The following ZNF707 variants were observed in gnomAD, a reference collection of about 807,000 sequenced individuals.
ZNF707 encodes the protein zinc finger protein 707.
A neutral mutation model predicts 13.3 loss-of-function variants in ZNF707; 8 were observed. The observed-to-expected ratio is 0.60, with a 90% CI of 0.35 to 1.09. The LOEUF (loss-of-function observed/expected upper bound fraction) is 1.09. Ranked by LOEUF, ZNF707 falls within the 50% of genes least tolerant of loss-of-function variation. The pLI, the probability that ZNF707 is intolerant of heterozygous loss-of-function variation, is 0.02. For synonymous variants in ZNF707, 225 were observed against 205.6 expected (o/e 1.09, Z -0.81); for missense variants, 530 against 512.6 (o/e 1.03, Z -0.33).
In ZNF707 at chr8:143,694,055, G is replaced by A. The variant is rs1368019099; in HGVS notation, c.641G>A (p.Arg214Gln). 8.1e-6 allele frequency: 13 copies of A among 1,607,410 alleles called. No individual in the cohort carries two copies. The highest frequency in any genetic ancestry group is 1.7e-5 in the Admixed American group (1 of 59,636). The change falls in exon 6 of 6, where the codon CGG becomes CAG. Residue 214 changes from arginine (R) to glutamine (Q), a missense_variant. Arg to Gln is a conservative substitution (Grantham distance 43). Coordinates refer to ENST00000358656, the MANE Select transcript of ZNF707 (RefSeq NM_001100598.2). This position sits in a 1 kb window ranked among gnomAD's most constrained non-coding sequence, Gnocchi z 4.4. ...TGCCCCGAGTGCGGCCAGACCTTCC[G>A]GTGGGCTTCAAACCTGCAGCGCCAC... ...FECPECGQTF[R>Q]WASNLQRHQK...
chr8:143,694,361 A>G lies in ZNF707; in HGVS notation c.947A>G (p.Tyr316Cys), dbSNP rs782363774. Residue 316 changes from tyrosine (Y) to cysteine (C), a missense_variant, in exon 6 of 6, where the codon TAC becomes TGC. Tyr to Cys is a radical substitution (Grantham distance 194, BLOSUM62 -2). Transcript: ENST00000358656. The surrounding 1 kb of genome is among the most constrained non-coding windows in gnomAD (Gnocchi z 4.4). ...HQRVHSGEKP[Y>C]TCAECGKSFR... ...AGGGTCCACAGCGGGGAGAAGCCCT[A>G]CACCTGTGCCGAGTGCGGCAAGTCC... The G allele has an allele frequency of 1.2e-6, 2 of 1,610,856 alleles. No homozygotes were observed. The highest frequency in any genetic ancestry group is 2.7e-5 in the African/African-American group (2 of 74,686).
Position 143,694,038 on chromosome 8 carries a change from G to T in ZNF707, c.624G>T (p.Glu208Asp). The T allele has an allele frequency of 6.2e-7, 1 of 1,607,038 alleles. No homozygotes were observed. ...HTGTKAFECP[E>D]CGQTFRWASN... Reference sequence around the variant, plus strand: ...GAACCAAGGCCTTCGAGTGCCCCGAGTGCGGCCAGACCTTCCGGTGGGCTT... The same window carrying T: ...GAACCAAGGCCTTCGAGTGCCCCGATTGCGGCCAGACCTTCCGGTGGGCTT... The change falls in exon 6 of 6, where the codon GAG becomes GAT. Residue 208 changes from glutamate to aspartate, a missense_variant. Transcript: ENST00000358656. The surrounding 1 kb of genome is among the most constrained non-coding windows in gnomAD (Gnocchi z 4.4).
intron 1 of ZNF707, chr8:143,688,747 C>T (rs986303963): frequency 1.3e-5 from 2 of 149,680 alleles, no homozygotes; most frequent in Admixed American, 1.3e-4. Flanking sequence ...TTCAAGCAGT[C>T]CCCCCACCTC....
intron 5 of ZNF707, chr8:143,692,113 T>G: frequency 1.5e-6 from 2 of 1,320,954 alleles, no homozygotes; most frequent in Middle Eastern, 2.1e-4. Context: ...TCCAGGTATG[T>G]GGCTCTGGGT....
intron 1 of ZNF707, chr8:143,686,814 TTTTTTTCTTAAC>T (rs1303256339): frequency 2.2e-5 from 2 of 92,996 alleles, no homozygotes; most frequent in African/African-American, 1.0e-4. Context: ...TCTCCTTTTT[TTTTTTTCTTAAC>T]TGCCTTGGTA....
chr8:143,694,485 GTTC>G lies in ZNF707; in HGVS notation c.1075_1077del (p.Phe359del), dbSNP rs781938827. 1 of 1,610,744 alleles carries G rather than the reference GTTC, an allele frequency of 6.2e-7. No homozygotes were observed. The highest frequency in any genetic ancestry group is 8.5e-7 in the Non-Finnish European group (1 of 1,178,274). On this transcript the variant is annotated inframe_deletion, in exon 6 of 6. Coordinates refer to ENST00000358656, the MANE Select transcript of ZNF707 (RefSeq NM_001100598.2). The surrounding 1 kb of genome is among the most constrained non-coding windows in gnomAD (Gnocchi z 4.4). ...GTGGGAAAGGCTTCCGTCACCTGGGGTTCTTCACGCGGCATCAGAGGACTCACA... is the reference window on the plus strand; with the variant it reads ...GTGGGAAAGGCTTCCGTCACCTGGGGTTCACGCGGCATCAGAGGACTCACA...
chr8:143,691,420 C>G, intron 4 of ZNF707, 180 bp from the exon 5 acceptor site: 1 of 1,039,854 alleles, frequency 9.6e-7, no homozygotes, highest in Non-Finnish European at 1.4e-6. Flanking sequence ...TTGCCAGGGC[C>G]TTCCGTGGGC....
chr8:143,685,496 A>G (rs1246338768), intron 1 of ZNF707, among the ~76,000 whole-genome samples: 1 of 148,326 alleles, frequency 6.7e-6, no homozygotes, highest in Non-Finnish European at 1.5e-5. Flanking sequence ...ACTGCACTCC[A>G]GCCTGGGCGA....
Position 143,694,128 on chromosome 8 carries a change from G to A in ZNF707, c.714G>A (p.Gly238=). ...AGCCCTTCTGCTGCGAGGCCTGCGGGCAGGCGTTCAGCCTGAAGGACCGCC... is the reference window on the plus strand; with the variant it reads ...AGCCCTTCTGCTGCGAGGCCTGCGGACAGGCGTTCAGCCTGAAGGACCGCC... ...REKPFCCEAC[G]QAFSLKDRLA... is the part of the protein sequence containing the mutation. Residue 238 remains glycine (G), a synonymous_variant, in exon 6 of 6, where the codon GGG becomes GGA. Transcript: ENST00000358656. This position sits in a 1 kb window ranked among gnomAD's most constrained non-coding sequence, Gnocchi z 4.4. The A allele has an allele frequency of 6.3e-7, 1 of 1,598,412 alleles. No individual in the cohort carries two copies. Among genetic ancestry groups the A allele is most frequent in the Non-Finnish European group, 8.5e-7 (1 of 1,172,644 alleles).
Position 143,693,918 on chromosome 8 carries a change from G to A in ZNF707, c.504G>A (p.Lys168=). ...GGCCGGGCCGCAGAGAGCGCCGGAA[G>A]CAGCGCGCAGTAGAGCTGTCATTCA... ...GRRPGRRERR[K]QRAVELSFIC... The change falls in exon 6 of 6, where the codon AAG becomes AAA. Residue 168 remains lysine (K), a synonymous_variant. Transcript: ENST00000358656. This position sits in a 1 kb window ranked among gnomAD's most constrained non-coding sequence, Gnocchi z 4.1. 3.1e-6 allele frequency: 5 copies of A among 1,607,044 alleles called. No individual in the cohort carries two copies. The highest frequency in any genetic ancestry group is 3.4e-6 in the Non-Finnish European group (4 of 1,176,696).
chr8:143,694,270 C>T lies in ZNF707; in HGVS notation c.856C>T (p.Arg286Trp), dbSNP rs781834549. Residue 286 changes from arginine to tryptophan, a missense_variant, in exon 6 of 6, where the codon CGG becomes TGG. Coordinates refer to ENST00000358656, the MANE Select transcript of ZNF707 (RefSeq NM_001100598.2). The surrounding 1 kb of genome is among the most constrained non-coding windows in gnomAD (Gnocchi z 4.4). ...ACACCAGCTGGTGCACACCGGGGAG[C>T]GGCCGTTCTACTGCGCGGACTGCGG... Reference protein sequence around the residue: ...LRHQLVHTGERPFYCADCGKA... With the variant: ...LRHQLVHTGEWPFYCADCGKA... The T allele has an allele frequency of 3.6e-5, 57 of 1,593,212 alleles. No individual in the cohort carries two copies. The highest frequency in any genetic ancestry group is 4.6e-5 in the Non-Finnish European group (54 of 1,169,964).
chr8:143,685,908 G>C (rs1816219393), intron 1 of ZNF707, among the ~76,000 whole-genome samples: 1 of 152,148 alleles, frequency 6.6e-6, no homozygotes, highest in African/African-American at 2.4e-5. Flanking sequence ...ATATCCTTCT[G>C]TTCTCCCGTA....
rs1227203666 is a variant in ZNF707, at chr8:143,693,376, T to C, written c.257-295T>C. ...AATCTCGGCTCACTGCAAGCTCCGCTTCCCGGGTTCACGCCATTCTCCTGC... is the reference window on the plus strand; with the variant it reads ...AATCTCGGCTCACTGCAAGCTCCGCCTCCCGGGTTCACGCCATTCTCCTGC... On this transcript the variant is annotated intron_variant, in intron 5 of 5. Coordinates refer to ENST00000358656, the MANE Select transcript of ZNF707 (RefSeq NM_001100598.2). The surrounding 1 kb of genome is among the most constrained non-coding windows in gnomAD (Gnocchi z 4.1). 2.6e-5 allele frequency among the ~76,000 whole-genome samples: 4 copies of C among 151,482 alleles called. No individual in the cohort carries two copies. The highest frequency in any genetic ancestry group is 4.4e-5 in the Non-Finnish European group (3 of 67,826).
At position 143,694,356 on chromosome 8, in the gene ZNF707, G is replaced by A. The variant is rs782284343; in HGVS notation, c.942G>A (p.Lys314=). The change falls in exon 6 of 6, where the codon AAG becomes AAA. Residue 314 remains lysine, a synonymous_variant. Transcript: ENST00000358656. The surrounding 1 kb of genome is among the most constrained non-coding windows in gnomAD (Gnocchi z 4.4). ...SHHQRVHSGE[K]PYTCAECGKS... is the part of the protein sequence containing the mutation. Reference sequence around the variant, plus strand: ...ACCAGAGGGTCCACAGCGGGGAGAAGCCCTACACCTGTGCCGAGTGCGGCA... The same window carrying A: ...ACCAGAGGGTCCACAGCGGGGAGAAACCCTACACCTGTGCCGAGTGCGGCA... 6.2e-7 allele frequency: 1 copy of A among 1,611,472 alleles called. No homozygotes were observed.
Position 143,694,154 on chromosome 8 carries a change from T to A in ZNF707, c.740T>A (p.Leu247Gln). The change falls in exon 6 of 6, where the codon CTG (leucine) becomes CAG (glutamine). Residue 247 changes from leucine to glutamine, a missense_variant. Physicochemically the swap from Leu to Gln is moderately radical, Grantham distance 113. Transcript: ENST00000358656. This position sits in a 1 kb window ranked among gnomAD's most constrained non-coding sequence, Gnocchi z 4.4. ...CAGGCGTTCAGCCTGAAGGACCGCCTGGCTCAGCACCGCAAGGTCCACACC... is the reference window on the plus strand; with the variant it reads ...CAGGCGTTCAGCCTGAAGGACCGCCAGGCTCAGCACCGCAAGGTCCACACC... ...CGQAFSLKDR[L>Q]AQHRKVHTEH... 1.9e-6 allele frequency: 3 copies of A among 1,587,444 alleles called. No individual in the cohort carries two copies. The highest frequency in any genetic ancestry group is 2.6e-6 in the Non-Finnish European group (3 of 1,166,374).
Position 143,693,658 on chromosome 8 carries a change from GT to G in ZNF707, c.257-11del. On this transcript the variant is annotated splice_polypyrimidine_tract_variant and intron_variant, in intron 5 of 5. Coordinates refer to ENST00000358656, the MANE Select transcript of ZNF707 (RefSeq NM_001100598.2). The surrounding 1 kb of genome is among the most constrained non-coding windows in gnomAD (Gnocchi z 4.1). Reference sequence around the variant, plus strand: ...CCACTGGCTCTGTGTAAGGGTGTCTGTTCCTTCCACAGGGGCAAGGAAGTCT... The same window carrying G: ...CCACTGGCTCTGTGTAAGGGTGTCTGTCCTTCCACAGGGGCAAGGAAGTCT... The G allele has an allele frequency of 6.4e-7, 1 of 1,560,832 alleles. No homozygotes were observed. Among genetic ancestry groups the G allele is most frequent in the South Asian group, 1.2e-5 (1 of 80,934 alleles).
chr8:143,694,807 G>A lies in ZNF707; in HGVS notation c.*277G>A, dbSNP rs1384801882. On this transcript the variant is annotated 3_prime_UTR_variant, in exon 6 of 6. Coordinates refer to ENST00000358656, the MANE Select transcript of ZNF707 (RefSeq NM_001100598.2). The surrounding 1 kb of genome is among the most constrained non-coding windows in gnomAD (Gnocchi z 4.4). ...CTGGGGATGTGCTGAGAGTGTGCGC[G>A]ACCCCGGAGCCACGTGCCAGGCCGG... The A allele has an allele frequency of 4.6e-5, 18 of 392,064 alleles. No individual in the cohort carries two copies. In the Admixed American group the frequency reaches 6.7e-4, roughly 15 times the overall value. The allele number at this position is 392,064 out of a possible 1,614,324, so 24.3% of individuals were successfully genotyped here.
At chr8:143,687,680 C>T (rs1331324533) in intron 1 of ZNF707, among the ~76,000 whole-genome samples, 1 of 152,020 alleles carries the variant, frequency 6.6e-6, no homozygotes, top group Non-Finnish European at 1.5e-5. Context: ...TTTTTTCTAC[C>T]TCCTTGCACT....
intron 3 of ZNF707, chr8:143,690,440 G>T (rs1816701989): frequency 2.9e-6 from 1 of 341,214 alleles, no homozygotes; most frequent in Non-Finnish European, 5.3e-6. Flanking sequence ...GCACGCACCT[G>T]TAGGCCCAGC....
Sources: allele counts gnomAD v4.1 joint callset (sites outside exome capture counted in the v4.1 genomes callset), GRCh38; gene constraint gnomAD v4.1.1; non-coding constraint Gnocchi (gnomAD v3.1); transcripts MANE v1.5; gene names NCBI Gene and HGNC (gene_info 2026-07-23, HGNC 2026-07-21).